LIMCH1: variants seen among roughly 807,000 people sequenced by gnomAD.
The protein encoded by LIMCH1 is LIM and calponin homology domains 1, also known as LIM and calponin homology domains-containing protein 1.
In LIMCH1, 113 loss-of-function variants were observed where a neutral mutation model predicts 176.5. The observed-to-expected ratio is 0.64, with a 90% CI of 0.55 to 0.75. LIMCH1 has a LOEUF of 0.75. Among genes scored for constraint, LIMCH1 ranks in the 30% least tolerant of loss-of-function variants. LIMCH1 has a pLI of 0.00. For synonymous variants in LIMCH1, 619 were observed against 645.9 expected, an observed-to-expected ratio of 0.96 and a Z score of 0.63; for missense variants, 1,674 against 1,814.9, an observed-to-expected ratio of 0.92 and a Z score of 1.41.
At chr4:41,526,880 C>T (rs189117195) in intron 3 of LIMCH1, among the ~76,000 whole-genome samples, 33 of 152,208 alleles carry the variant, frequency 2.2e-4, no homozygotes, top group Non-Finnish European at 8.8e-5. Flanking sequence ...ATTTCCTTGG[C>T]CACTGCCCCA....
chr4:41,612,858 T>C (rs2091605109), intron 4 of LIMCH1: 9 of 1,364,714 alleles, frequency 6.6e-6, no homozygotes, highest in African/African-American at 2.9e-5. Flanking sequence ...TTTCTTTTTT[T>C]TTTTTTTTTT....
At position 41,692,395 on chromosome 4, in the gene LIMCH1, G is replaced by C. The variant is rs1363737572; in HGVS notation, c.4378+11G>C. ...ACATGCGATCCAGAAGTAAGTACTG[G>C]GGAGAATGCCTCATGATGACCGAGT... On this transcript the variant is annotated intron_variant, in intron 31 of 31. Transcript: ENST00000503057. The C allele has an allele frequency of 3.3e-6, 5 of 1,535,374 alleles. No homozygotes were observed. Among genetic ancestry groups the C allele is most frequent in the Non-Finnish European group, 4.5e-6 (5 of 1,108,394 alleles).
chr4:41,665,572 AAGTGCTCTGTGGTCTC>A (rs755040733), intron 20 of LIMCH1, among the ~76,000 whole-genome samples: 49 of 152,182 alleles, frequency 3.2e-4, no homozygotes, highest in Non-Finnish European at 6.2e-4. Flanking sequence ...ATGATGAAAC[AAGTGCTCTGTGGTCTC>A]ACTCGCCCTG....
At chr4:41,411,292 A>G (rs562635184) in intron 1 of LIMCH1, among the ~76,000 whole-genome samples, 1 of 152,326 alleles carries the variant, frequency 6.6e-6, no homozygotes, top group South Asian at 2.1e-4. Context: ...CTTTGCTTGC[A>G]TGGCATTCTA....
intron 1 of LIMCH1, among the ~76,000 whole-genome samples, chr4:41,454,450 GGA>G (rs58614605): frequency 0.029 from 4,307 of 147,682 alleles, 76 homozygotes; most frequent in Non-Finnish European, 0.046. Flanking sequence ...ATGATGAGGG[GGA>G]GAGAGAGAGA....
In LIMCH1 at chr4:41,697,195, C is replaced by A. The variant is rs1184310562; in HGVS notation, c.*10C>A. 1.2e-6 allele frequency: 2 copies of A among 1,613,390 alleles called. No homozygotes were observed. The highest frequency in any genetic ancestry group is 2.2e-5 in the South Asian group (2 of 91,010). On this transcript the variant is annotated 3_prime_UTR_variant, in exon 32 of 32. Coordinates refer to ENST00000503057, the MANE Select transcript of LIMCH1 (RefSeq NM_001330672.2). Reference sequence around the variant, plus strand: ...GCCTACAACATTGTGACACGGCTTTCAAGCTTCCGGATCACTCACCATTTC... The same window carrying A: ...GCCTACAACATTGTGACACGGCTTTAAAGCTTCCGGATCACTCACCATTTC...
intron 22 of LIMCH1, among the ~76,000 whole-genome samples, chr4:41,675,354 A>T (rs1221855434): frequency 6.6e-6 from 1 of 151,914 alleles, no homozygotes; most frequent in Non-Finnish European, 1.5e-5. Flanking sequence ...AACCTTGGAT[A>T]GGACTGACCC....
At chr4:41,612,389 C>T in intron 4 of LIMCH1, 1 of 578,806 alleles carries the variant, frequency 1.7e-6, no homozygotes. Context: ...GCGAGCATCC[C>T]AGGGAATCTG....
intron 2 of LIMCH1, among the ~76,000 whole-genome samples, chr4:41,511,416 C>T (rs1429383507): frequency 6.6e-6 from 1 of 152,238 alleles, no homozygotes; most frequent in African/African-American, 2.4e-5. Flanking sequence ...GCTGTGACAG[C>T]CATACATCCC....
intron 1 of LIMCH1, among the ~76,000 whole-genome samples, chr4:41,441,442 G>A (rs1180405162): frequency 6.6e-6 from 1 of 151,944 alleles, no homozygotes; most frequent in Admixed American, 6.6e-5. Context: ...CTCTTGAGTC[G>A]GTCATTTTTT....
At chr4:41,593,993 C>T (rs1240300921) in intron 1 of LIMCH1, among the ~76,000 whole-genome samples, 4 of 152,110 alleles carry the variant, frequency 2.6e-5, no homozygotes, top group African/African-American at 7.2e-5. Flanking sequence ...TTTTTTTGAA[C>T]CATTTGAAAG....
At chr4:41,492,487 C>A (rs2071274861) in intron 1 of LIMCH1, among the ~76,000 whole-genome samples, 1 of 152,124 alleles carries the variant, frequency 6.6e-6, no homozygotes, top group African/African-American at 2.4e-5. Context: ...TTTTTGGCTC[C>A]CATGAATTCT....
rs1469769063 is a variant in LIMCH1, at chr4:41,631,395, C to G, written c.1519C>G (p.Gln507Glu). 4 of 1,536,198 alleles carry G rather than the reference C, an allele frequency of 2.6e-6. No homozygotes were observed. The highest frequency in any genetic ancestry group is 3.5e-6 in the Non-Finnish European group (4 of 1,146,912). The change falls in exon 10 of 32, where the codon CAA (glutamine) becomes GAA (glutamate). Residue 507 changes from glutamine (Q) to glutamate (E), a missense_variant. Around this residue, in one of 3 missense-constraint regions of LIMCH1, gnomAD observed 655 missense variants for 692.2 expected, o/e 0.95. Coordinates refer to ENST00000503057, the MANE Select transcript of LIMCH1 (RefSeq NM_001330672.2). ...EEVICHGSKI[Q>E]MDSVSPVSAA... ...AGTCATCTGTCATGGCAGCAAGATT[C>G]AAATGGACTCTGTGTCTCCTGTCTC...
chr4:41,533,069 A>G (rs539483378), intron 3 of LIMCH1, among the ~76,000 whole-genome samples: 1 of 152,282 alleles, frequency 6.6e-6, no homozygotes, highest in South Asian at 2.1e-4. Context: ...GCTGTTGGCC[A>G]AAGCCATCCT....
chr4:41,428,190 G>A (rs2061289783), intron 1 of LIMCH1, among the ~76,000 whole-genome samples: 1 of 152,138 alleles, frequency 6.6e-6, no homozygotes, highest in South Asian at 2.1e-4. Flanking sequence ...ACAGTATGAG[G>A]TCGTGGTAAA....
At chr4:41,603,795 A>C in intron 2 of LIMCH1, 80 bp from the exon 3 acceptor site, 1 of 921,314 alleles carries the variant, frequency 1.1e-6, no homozygotes, top group East Asian at 2.4e-5. Flanking sequence ...CTTCAAGTAC[A>C]TCTTAGTGGC....
At chr4:41,565,530 AT>A (rs1436018096) in intron 1 of LIMCH1, among the ~76,000 whole-genome samples, 3 of 151,804 alleles carry the variant, frequency 2.0e-5, no homozygotes, top group African/African-American at 7.3e-5. Context: ...GAGTCTTATG[AT>A]TTTTTAGAAT....
rs182561477 is a variant in LIMCH1 at position 41,679,488 on chromosome 4, A to G, written c.3520-518A>G. 5.9e-5 allele frequency among the ~76,000 whole-genome samples: 9 copies of G among 152,364 alleles called. No homozygotes were observed. In the East Asian group the frequency reaches 1.7e-3, roughly 29 times the overall value. On this transcript the variant is annotated intron_variant, in intron 23 of 31. Coordinates refer to ENST00000503057, the MANE Select transcript of LIMCH1 (RefSeq NM_001330672.2). ...ATTCAGAAGTTACTTAAAGCTAGGA[A>G]GACTCTATTTTGGTAGAATAGTCAC...
At chr4:41,614,502 T>A (rs2091845891) in intron 5 of LIMCH1, among the ~76,000 whole-genome samples, 1 of 152,230 alleles carries the variant, frequency 6.6e-6, no homozygotes, top group Non-Finnish European at 1.5e-5. Flanking sequence ...TTCAATGTAT[T>A]GCTTGGTTGA....
Sources: gnomAD v4.1 joint callset for allele counts (sites outside exome capture counted in the v4.1 genomes callset) on GRCh38, gnomAD v4.1.1 for gene constraint, gnomAD v4.1.1 regional missense constraint, MANE v1.5 for transcripts, NCBI Gene and HGNC (gene_info 2026-07-23, HGNC 2026-07-21) for gene names.